Variants in SERPIND1 observed in about 807,000 individuals in gnomAD.
SERPIND1 encodes the protein serpin family D member 1.
SERPIND1 carries 34 observed loss-of-function variants against 35.0 expected under a neutral mutation model. That is an observed-to-expected ratio of 0.97 (90% CI 0.74 to 1.29). The LOEUF (loss-of-function observed/expected upper bound fraction) is 1.29, where lower values mean the gene tolerates loss of function less well. Among genes scored for constraint, SERPIND1 ranks in the 50% most tolerant of loss-of-function variants. The pLI is 0.00. For synonymous variants in SERPIND1, 236 were observed against 241.1 expected (o/e 0.98, Z 0.19); for missense variants, 633 against 637.7 (o/e 0.99, Z 0.08).
intron 3 of SERPIND1, 36 bp downstream of exon 3, chr22:20,784,281 C>G: frequency 1.2e-6 from 2 of 1,613,760 alleles, no homozygotes; most frequent in African/African-American, 1.3e-5. Flanking sequence ...TTTGAGCTCC[C>G]AGATGCTGGG....
rs551359856 is a variant in SERPIND1, at chr22:20,779,083, C to T, written c.-16-214C>T. The T allele has an allele frequency of 4.4e-5, 50 of 1,129,864 alleles. No individual in the cohort carries two copies. In the Admixed American group the frequency reaches 5.6e-4, roughly 13 times the overall value. 70.0% of individuals were successfully genotyped at this position (1,129,864 alleles called of 1,614,324 possible). On this transcript the variant is annotated intron_variant, in intron 1 of 4. Coordinates refer to ENST00000215727, the MANE Select transcript of SERPIND1 (RefSeq NM_000185.4). ...GAAGGGATTTTCATCAAGGGGCCCA[C>T]AGATCCTTCATTGAGGTTTATGAGT...
chr22:20,783,182 C>T (rs1320431294), intron 2 of SERPIND1, among the ~76,000 whole-genome samples: 2 of 152,156 alleles, frequency 1.3e-5, no homozygotes, highest in Non-Finnish European at 2.9e-5. Context: ...TAGACATGGG[C>T]TTATTCCTGG....
intron 2 of SERPIND1, among the ~76,000 whole-genome samples, chr22:20,781,498 C>T (rs1933796343): frequency 6.6e-6 from 1 of 152,214 alleles, no homozygotes; most frequent in African/African-American, 2.4e-5. Context: ...GGCTTCTGTT[C>T]AGGGAAAGGG....
intron 2 of SERPIND1, among the ~76,000 whole-genome samples, chr22:20,780,719 T>G (rs968110016): frequency 1.4e-5 from 2 of 140,370 alleles, no homozygotes; most frequent in African/African-American, 5.4e-5. Context: ...GAGATTGCAG[T>G]GAGCCGAGAC....
chr22:20,781,944 A>T (rs1933833162), intron 2 of SERPIND1, among the ~76,000 whole-genome samples: 1 of 152,252 alleles, frequency 6.6e-6, no homozygotes, highest in African/African-American at 2.4e-5. Flanking sequence ...ATGGCAATGC[A>T]ACAGAGTGGC....
Position 20,780,220 on chromosome 22 carries a change from G to A in SERPIND1, c.889+19G>A. ...TTCAAAGGTAAGAGGCACCTTTACA[G>A]TTCTCACAGCAAACCCACAACATAC... On this transcript the variant is annotated intron_variant, in intron 2 of 4. Transcript: ENST00000215727. 6.2e-7 allele frequency: 1 copy of A among 1,614,178 alleles called. No individual in the cohort carries two copies. Among genetic ancestry groups the A allele is most frequent in the East Asian group, 2.2e-5 (1 of 44,880 alleles).
intron 1 of SERPIND1, among the ~76,000 whole-genome samples, chr22:20,777,199 AGG>A: frequency 2.0e-5 from 3 of 151,594 alleles, no homozygotes; most frequent in Middle Eastern, 6.8e-3. Flanking sequence ...CCATCACACC[AGG>A]CTAATTATTT....
intron 1 of SERPIND1, among the ~76,000 whole-genome samples, chr22:20,775,842 T>C (rs916189266): frequency 6.6e-6 from 1 of 152,114 alleles, no homozygotes; most frequent in African/African-American, 2.4e-5. Context: ...AGGAGGACAC[T>C]TGAAGTGTAG....
At chr22:20,777,679 T>C (rs992459904) in intron 1 of SERPIND1, among the ~76,000 whole-genome samples, 2 of 152,178 alleles carry the variant, frequency 1.3e-5, no homozygotes, top group African/African-American at 4.8e-5. Flanking sequence ...TGATTAGAAG[T>C]TGGGACCATG....
Position 20,786,982 on chromosome 22 carries a change from C to T in SERPIND1, c.1416C>T (p.Asp472=). The change falls in exon 5 of 5, where the codon GAC becomes GAT. Residue 472 remains aspartate (D), a synonymous_variant. Coordinates refer to ENST00000215727, the MANE Select transcript of SERPIND1 (RefSeq NM_000185.4). ...PLSTQVRFTV[D]RPFLFLIYEH... Reference sequence around the variant, plus strand: ...CCACCCAAGTCCGCTTCACTGTCGACCGCCCCTTTCTTTTCCTCATCTACG... The same window carrying T: ...CCACCCAAGTCCGCTTCACTGTCGATCGCCCCTTTCTTTTCCTCATCTACG... 6.2e-7 allele frequency: 1 copy of T among 1,614,194 alleles called. No individual in the cohort carries two copies. The highest frequency in any genetic ancestry group is 8.5e-7 in the Non-Finnish European group (1 of 1,180,038).
chr22:20,786,939 TG>T lies in SERPIND1; in HGVS notation c.1377del (p.Phe460SerfsTer48), dbSNP rs1569033215. 6.2e-7 allele frequency: 1 copy of T among 1,614,082 alleles called. No individual in the cohort carries two copies. Among genetic ancestry groups the T allele is most frequent in the Non-Finnish European group, 8.5e-7 (1 of 1,180,024 alleles). On this transcript the variant is annotated frameshift_variant, in exon 5 of 5. Transcript: ENST00000215727. LOFTEE classifies it high-confidence loss of function. ...EGTQATTVTT[V>X]GFMPLSTQVR... is the part of the protein sequence containing the mutation. ...ACCCAAGCCACCACTGTGACCACGG[TG>T]GGGTTCATGCCGCTGTCCACCCAAG...
At chr22:20,777,072 T>C (rs1474595658) in intron 1 of SERPIND1, among the ~76,000 whole-genome samples, 1 of 151,838 alleles carries the variant, frequency 6.6e-6, no homozygotes, top group Non-Finnish European at 1.5e-5. Flanking sequence ...TTTTTTGAGA[T>C]AAGGACTCAC....
rs2147481799 is a variant in SERPIND1, at chr22:20,779,905, T to C, written c.593T>C (p.Ile198Thr). 6.2e-7 allele frequency: 1 copy of C among 1,614,244 alleles called. No homozygotes were observed. The highest frequency in any genetic ancestry group is 1.6e-4 in the Middle Eastern group (1 of 6,062). ...NASSKYEITT[I>T]HNLFRKLTHR... is the part of the protein sequence containing the mutation. ...AGCAGCAAGTATGAAATCACGACCATTCATAATCTCTTCCGTAAGCTGACT... is the reference window on the plus strand; with the variant it reads ...AGCAGCAAGTATGAAATCACGACCACTCATAATCTCTTCCGTAAGCTGACT... Residue 198 changes from isoleucine (I) to threonine (T), a missense_variant, in exon 2 of 5, where the codon ATT becomes ACT. Coordinates refer to ENST00000215727, the MANE Select transcript of SERPIND1 (RefSeq NM_000185.4).
chr22:20,778,844 G>C (rs564204613), intron 1 of SERPIND1, among the ~76,000 whole-genome samples: 203 of 152,258 alleles, frequency 1.3e-3, no homozygotes, highest in Non-Finnish European at 1.9e-3. Context: ...GTACCCCCAT[G>C]TGCTCTGGCA....
chr22:20,781,405 C>G (rs1933788147), intron 2 of SERPIND1, among the ~76,000 whole-genome samples: 1 of 152,210 alleles, frequency 6.6e-6, no homozygotes, highest in Non-Finnish European at 1.5e-5. Context: ...AAGGGCAGTA[C>G]TTGGAGGCCA....
At chr22:20,786,828 C>A (rs183571304) in intron 4 of SERPIND1, 47 bp from the exon 5 acceptor site, 1 of 1,572,282 alleles carries the variant, frequency 6.4e-7, no homozygotes, top group Admixed American at 1.7e-5. Context: ...AACTCTAGCC[C>A]TCTGTGTGCT....
chr22:20,780,196 T>A lies in SERPIND1; in HGVS notation c.884T>A (p.Phe295Tyr). 1 of 1,614,226 alleles carries A rather than the reference T, an allele frequency of 6.2e-7. No homozygotes were observed. The highest frequency in any genetic ancestry group is 8.5e-7 in the Non-Finnish European group (1 of 1,180,030). ...TQMMILNCIY[F>Y]KGSWVNKFPV... is the part of the protein sequence containing the mutation. ...ATGATGATTCTCAACTGCATCTACTTCAAAGGTAAGAGGCACCTTTACAGT... is the reference window on the plus strand; with the variant it reads ...ATGATGATTCTCAACTGCATCTACTACAAAGGTAAGAGGCACCTTTACAGT... Residue 295 changes from phenylalanine to tyrosine, a missense_variant, in exon 2 of 5, where the codon TTC becomes TAC. Physicochemically the swap from Phe to Tyr is conservative, Grantham distance 22. Coordinates refer to ENST00000215727, the MANE Select transcript of SERPIND1 (RefSeq NM_000185.4).
rs373125956 is a variant in SERPIND1 at position 20,786,904 on chromosome 22, C to T, written c.1338C>T (p.Asn446=). 195 of 1,614,124 alleles carry T rather than the reference C, an allele frequency of 1.2e-4. 1 individual carries two copies. In the South Asian group the frequency reaches 1.7e-3, roughly 14 times the overall value. ...LFKHQGTITV[N]EEGTQATTVT... ...AGCACCAAGGCACGATCACAGTGAA[C>T]GAGGAAGGCACCCAAGCCACCACTG... The change falls in exon 5 of 5, where the codon AAC becomes AAT. Residue 446 remains asparagine (N), a synonymous_variant. Coordinates refer to ENST00000215727, the MANE Select transcript of SERPIND1 (RefSeq NM_000185.4).
chr22:20,785,923 T>C (rs2147515483), intron 3 of SERPIND1, 81 bp from the exon 4 acceptor site: 5 of 1,569,996 alleles, frequency 3.2e-6, no homozygotes, highest in Non-Finnish European at 4.4e-6. Context: ...ATATAACCCG[T>C]GGCCCTTTAA....
Sources: gnomAD v4.1 joint callset for allele counts (sites outside exome capture counted in the v4.1 genomes callset) on GRCh38, gnomAD v4.1.1 for gene constraint, MANE v1.5 for transcripts, NCBI Gene and HGNC (gene_info 2026-07-23, HGNC 2026-07-21) for gene names.